Variants in GPC6 observed in about 807,000 individuals in gnomAD.
The protein encoded by GPC6 is glypican 6.
GPC6 carries 14 observed loss-of-function variants against 55.2 expected under a neutral mutation model. The ratio of observed to expected loss-of-function variants is 0.25; its 90% CI spans 0.17 to 0.40. The LOEUF (loss-of-function observed/expected upper bound fraction) is 0.40. GPC6 is among the 10% of genes least tolerant of loss of function. The pLI is 1.00. For synonymous variants in GPC6, 278 were observed against 259.6 expected (o/e 1.07, Z -0.68); for missense variants, 641 against 708.5 (o/e 0.90, Z 1.08).
intron 1 of GPC6, among the ~76,000 whole-genome samples, chr13:93,488,300 C>T (rs1018650729): frequency 6.6e-6 from 1 of 152,164 alleles, no homozygotes; most frequent in Non-Finnish European, 1.5e-5. Flanking sequence ...GATGTGAACT[C>T]ATCCTTCTTT....
chr13:93,545,235 A>C lies in GPC6; in HGVS notation c.161-28A>C. On this transcript the variant is annotated intron_variant, in intron 1 of 8. Transcript: ENST00000377047. ...CGTCTACCAAAAGTCCTTAGAATGC[A>C]ATAGTGACATTTAACTTCTCATTGC... 3 of 1,595,916 alleles carry C rather than the reference A, an allele frequency of 1.9e-6. No individual in the cohort carries two copies. The African/African-American group carries it at 4.0e-5, about 21-fold the overall frequency.
At chr13:94,045,982 T>A (rs1351729406) in intron 4 of GPC6, among the ~76,000 whole-genome samples, 1 of 151,888 alleles carries the variant, frequency 6.6e-6, no homozygotes, top group Non-Finnish European at 1.5e-5. Context: ...GGAAACTGAG[T>A]CTCAGAGAGT....
In GPC6 at chr13:93,958,017, G is replaced by A. The variant is rs185445371; in HGVS notation, c.712-69712G>A. Among the ~76,000 whole-genome samples the A allele has an allele frequency of 3.3e-3, 504 of 152,154 alleles. 6 individuals are homozygous for A. Among genetic ancestry groups the A allele is most frequent in the African/African-American group, 0.012 (480 of 41,524 alleles). Reference sequence around the variant, plus strand: ...GTTGGCTGCTTGCATGTCTTCTTTCGAAAAGTGTCTGTTCATGTCCTTTGC... The same window carrying A: ...GTTGGCTGCTTGCATGTCTTCTTTCAAAAAGTGTCTGTTCATGTCCTTTGC... On this transcript the variant is annotated intron_variant, in intron 3 of 8. Transcript: ENST00000377047.
intron 4 of GPC6, among the ~76,000 whole-genome samples, chr13:94,131,572 T>C (rs1887001991): frequency 6.6e-6 from 1 of 152,178 alleles, no homozygotes; most frequent in African/African-American, 2.4e-5. Context: ...CGGGAGATCA[T>C]TAAGAAAATA....
At chr13:93,305,089 G>C (rs561487072) in intron 1 of GPC6, among the ~76,000 whole-genome samples, 1 of 152,196 alleles carries the variant, frequency 6.6e-6, no homozygotes, top group South Asian at 2.1e-4. Context: ...ATTTACATTT[G>C]AGTTCCAGCA....
intron 3 of GPC6, among the ~76,000 whole-genome samples, chr13:93,990,490 T>A: frequency 6.6e-6 from 1 of 152,080 alleles, no homozygotes; most frequent in Non-Finnish European, 1.5e-5. Context: ...TTTTGTGTAA[T>A]GTCACAGGAG....
intron 1 of GPC6, among the ~76,000 whole-genome samples, chr13:93,427,922 A>C (rs542386436): frequency 6.6e-6 from 1 of 152,314 alleles, no homozygotes; most frequent in African/African-American, 2.4e-5. Context: ...TTATGCAGTC[A>C]GTATTCCTTG....
At chr13:93,439,424 G>C (rs1877692753) in intron 1 of GPC6, among the ~76,000 whole-genome samples, 1 of 152,086 alleles carries the variant, frequency 6.6e-6, no homozygotes, top group Non-Finnish European at 1.5e-5. Flanking sequence ...ATTTTATAAA[G>C]GGGAGTTTCC....
intron 2 of GPC6, among the ~76,000 whole-genome samples, chr13:93,734,474 G>A (rs904016483): frequency 3.9e-5 from 6 of 152,070 alleles, no homozygotes; most frequent in Non-Finnish European, 7.4e-5. Flanking sequence ...ACTTTTGAGG[G>A]ACTGGAAAAC....
intron 1 of GPC6, among the ~76,000 whole-genome samples, chr13:93,301,155 G>C (rs141698679): frequency 5.7e-4 from 87 of 152,284 alleles, no homozygotes; most frequent in Non-Finnish European, 1.1e-3. Context: ...AAACATGTTT[G>C]AGAACCTAAT....
chr13:94,014,953 G>T (rs1441736099), intron 3 of GPC6, among the ~76,000 whole-genome samples: 1 of 152,104 alleles, frequency 6.6e-6, no homozygotes, highest in Non-Finnish European at 1.5e-5. Context: ...AGAATATTTG[G>T]ATTGTTTCCA....
At chr13:93,259,938 A>G (rs1320696474) in intron 1 of GPC6, among the ~76,000 whole-genome samples, 1 of 152,164 alleles carries the variant, frequency 6.6e-6, no homozygotes. Context: ...AGAGAATAAA[A>G]TGGAAATTAA....
chr13:94,004,760 T>C (rs1881944293), intron 3 of GPC6, among the ~76,000 whole-genome samples: 1 of 152,078 alleles, frequency 6.6e-6, no homozygotes, highest in Admixed American at 6.6e-5. Flanking sequence ...TATAGCTCTT[T>C]AAATCTGAAT....
chr13:94,214,066 C>T (rs1055052194), intron 4 of GPC6, among the ~76,000 whole-genome samples: 11 of 152,276 alleles, frequency 7.2e-5, no homozygotes, highest in South Asian at 2.1e-4. Context: ...TTGTCAGTCT[C>T]TTAGGATTTG....
chr13:93,870,347 A>G (rs1046420283), intron 3 of GPC6, among the ~76,000 whole-genome samples: 1 of 151,876 alleles, frequency 6.6e-6, no homozygotes, highest in African/African-American at 2.4e-5. Context: ...GCATGCCACT[A>G]TTACGAAGAA....
At chr13:94,083,487 G>C (rs1299924682) in intron 4 of GPC6, among the ~76,000 whole-genome samples, 1 of 152,002 alleles carries the variant, frequency 6.6e-6, no homozygotes, top group Non-Finnish European at 1.5e-5. Flanking sequence ...TTTATTCTCT[G>C]TCCCATTCCC....
At chr13:93,232,284 T>C (rs1463547999) in intron 1 of GPC6, among the ~76,000 whole-genome samples, 1 of 152,170 alleles carries the variant, frequency 6.6e-6, no homozygotes, top group Admixed American at 6.5e-5. Context: ...TTAGCTGATT[T>C]CTTTAAAAGT....
intron 2 of GPC6, among the ~76,000 whole-genome samples, chr13:93,577,523 T>C (rs914993655): frequency 1.3e-5 from 2 of 152,092 alleles, no homozygotes; most frequent in Non-Finnish European, 2.9e-5. Flanking sequence ...TGTTGGTATA[T>C]GTAAATGTTA....
intron 8 of GPC6, among the ~76,000 whole-genome samples, chr13:94,399,824 C>G (rs1490341103): frequency 1.8e-4 from 27 of 152,222 alleles, no homozygotes; most frequent in Admixed American, 1.8e-3. Context: ...CTAAACCCCT[C>G]CTTTCCTCTT....
Sources: allele counts gnomAD v4.1 joint callset (sites outside exome capture counted in the v4.1 genomes callset), GRCh38; gene constraint gnomAD v4.1.1; transcripts MANE v1.5; gene names NCBI Gene and HGNC (gene_info 2026-07-23, HGNC 2026-07-21).